ARHGEF12: variants seen among roughly 807,000 people sequenced by gnomAD.
ARHGEF12 encodes the protein KMT2A/ARHGEF12 fusion protein.
A neutral mutation model predicts 211.2 loss-of-function variants in ARHGEF12; 66 were observed. The observed-to-expected ratio is 0.31, with a 90% CI of 0.26 to 0.38. The LOEUF is 0.38. ARHGEF12 is among the 10% of genes least tolerant of loss of function. The probability of loss-of-function intolerance (pLI) is 1.00; values close to 1 mark genes in which losing one functional copy is unlikely to be tolerated. For synonymous variants in ARHGEF12, 592 were observed against 638.4 expected (o/e 0.93, Z 1.09); for missense variants, 1,429 against 1,869.5 (o/e 0.76, Z 4.34).
At position 120,429,771 on chromosome 11, in the gene ARHGEF12, G is replaced by A. The variant is rs780199701; in HGVS notation, c.723G>A (p.Glu241=). ...AAAGATTGCTAAAAGAGATCCAAGA[G>A]GCCAAGAAACACATTCCTCAGCTGC... ...PAQRLLKEIQ[E]AKKHIPQLQE... is the part of the protein sequence containing the mutation. Residue 241 remains glutamate (E), a synonymous_variant, in exon 10 of 41, where the codon GAG becomes GAA. Transcript: ENST00000397843. 2.5e-6 allele frequency: 4 copies of A among 1,613,830 alleles called. No individual in the cohort carries two copies. Among genetic ancestry groups the A allele is most frequent in the Non-Finnish European group, 3.4e-6 (4 of 1,179,838 alleles).
intron 7 of ARHGEF12, among the ~76,000 whole-genome samples, chr11:120,424,807 A>G (rs866494761): frequency 1.2e-4 from 18 of 152,248 alleles, no homozygotes; most frequent in African/African-American, 3.6e-4. Flanking sequence ...AAAGAAATGC[A>G]TGAGTCACCT....
intron 1 of ARHGEF12, among the ~76,000 whole-genome samples, chr11:120,338,662 C>A (rs370495927): frequency 1.3e-5 from 2 of 152,080 alleles, no homozygotes; most frequent in African/African-American, 4.8e-5. Context: ...TCTGAGAAAT[C>A]ACTTTTACGG....
intron 39 of ARHGEF12, among the ~76,000 whole-genome samples, chr11:120,481,864 A>G (rs1947250781): frequency 6.7e-6 from 1 of 148,732 alleles, no homozygotes; most frequent in Non-Finnish European, 1.5e-5. Flanking sequence ...GGTTCACACC[A>G]TTCTCCTGCC....
At position 120,487,958 on chromosome 11, in the gene ARHGEF12, T is replaced by C. The variant is rs1037575472; in HGVS notation, c.*2881T>C. On this transcript the variant is annotated 3_prime_UTR_variant, in exon 41 of 41. Transcript: ENST00000397843. Reference sequence around the variant, plus strand: ...ATTACATTGGCTTTTAGAACCGAAATTGTAACTATGTATTGTATTTCATGG... The same window carrying C: ...ATTACATTGGCTTTTAGAACCGAAACTGTAACTATGTATTGTATTTCATGG... 4.5e-5 allele frequency: 10 copies of C among 220,698 alleles called. No individual in the cohort carries two copies. Among genetic ancestry groups the C allele is most frequent in the Non-Finnish European group, 8.2e-5 (9 of 110,256 alleles). 13.7% of individuals were successfully genotyped at this position (220,698 alleles called of 1,614,324 possible).
At chr11:120,385,731 C>T (rs1944010683) in intron 1 of ARHGEF12, among the ~76,000 whole-genome samples, 1 of 152,130 alleles carries the variant, frequency 6.6e-6, no homozygotes, top group Non-Finnish European at 1.5e-5. Context: ...AATTGCTTAG[C>T]TTTAGAACAA....
chr11:120,475,853 T>A (rs1947013495), intron 33 of ARHGEF12: 1 of 172,898 alleles, frequency 5.8e-6, no homozygotes, highest in Non-Finnish European at 1.2e-5. Context: ...GAGACGGATG[T>A]AGTGTTGATT....
At chr11:120,449,423 G>C (rs918920218) in intron 21 of ARHGEF12, 2 of 489,438 alleles carry the variant, frequency 4.1e-6, no homozygotes, top group Admixed American at 3.6e-5. Context: ...TTCGTGGGCT[G>C]GGCGTGGTGA....
chr11:120,410,452 A>G (rs1446879182), intron 4 of ARHGEF12: 2 of 152,122 alleles, frequency 1.3e-5, no homozygotes, highest in Non-Finnish European at 2.9e-5. Flanking sequence ...GTCATCTTTA[A>G]TAGAGCCACA....
chr11:120,386,356 C>G, intron 1 of ARHGEF12, among the ~76,000 whole-genome samples: 1 of 152,072 alleles, frequency 6.6e-6, no homozygotes, highest in East Asian at 1.9e-4. Context: ...AGCTAGGACC[C>G]TAATTTATGA....
At chr11:120,435,614 G>T (rs187939496) in intron 11 of ARHGEF12, among the ~76,000 whole-genome samples, 17 of 148,952 alleles carry the variant, frequency 1.1e-4, no homozygotes, top group Non-Finnish European at 2.2e-4. Flanking sequence ...TCCCGGGTTC[G>T]TGCCATTCTC....
intron 13 of ARHGEF12, among the ~76,000 whole-genome samples, chr11:120,440,837 T>C (rs1048280873): frequency 1.4e-4 from 21 of 152,184 alleles, no homozygotes; most frequent in Non-Finnish European, 2.6e-4. Flanking sequence ...AAGTATTTTT[T>C]AGAGGCTCTT....
intron 20 of ARHGEF12, 79 bp from the exon 21 acceptor site, chr11:120,449,030 C>A: frequency 1.7e-6 from 2 of 1,163,226 alleles, no homozygotes; most frequent in South Asian, 1.4e-5. Context: ...TTTGAACTAA[C>A]CATTAGCATT....
At chr11:120,396,404 T>G (rs1301583826) in intron 1 of ARHGEF12, among the ~76,000 whole-genome samples, 1 of 151,932 alleles carries the variant, frequency 6.6e-6, no homozygotes, top group Non-Finnish European at 1.5e-5. Flanking sequence ...AAGGGAAAAA[T>G]AATAACTTTA....
intron 8 of ARHGEF12, 98 bp downstream of exon 8, chr11:120,428,345 A>G (rs1168482919): frequency 9.6e-7 from 1 of 1,041,158 alleles, no homozygotes; most frequent in Non-Finnish European, 1.3e-6. Context: ...TGAACTAATT[A>G]AATTTAAGAT....
intron 1 of ARHGEF12, among the ~76,000 whole-genome samples, chr11:120,397,709 A>G (rs1358058924): frequency 1.3e-5 from 2 of 152,234 alleles, no homozygotes; most frequent in Admixed American, 1.3e-4. Flanking sequence ...AGCCCCATCT[A>G]CACACTCCCG....
intron 1 of ARHGEF12, among the ~76,000 whole-genome samples, chr11:120,392,967 G>A (rs982384478): frequency 1.3e-5 from 2 of 152,184 alleles, no homozygotes; most frequent in Admixed American, 6.5e-5. Context: ...GAGTCATCTG[G>A]ACTCTGAGAG....
intron 13 of ARHGEF12, 83 bp from the exon 14 acceptor site, chr11:120,441,624 G>C: frequency 9.6e-7 from 1 of 1,037,378 alleles, no homozygotes; most frequent in Non-Finnish European, 1.4e-6. Context: ...AGTGAAATTT[G>C]GATAGCTATG....
At chr11:120,484,112 G>C in intron 39 of ARHGEF12, among the ~76,000 whole-genome samples, 1 of 152,336 alleles carries the variant, frequency 6.6e-6, no homozygotes, top group East Asian at 1.9e-4. Context: ...TTTATGTGCT[G>C]CATGACTATA....
rs1478545104 is a variant in ARHGEF12, at chr11:120,448,294, G to A, written c.1683G>A (p.Glu561=). The A allele has an allele frequency of 6.2e-7, 1 of 1,614,130 alleles. No homozygotes were observed. The highest frequency in any genetic ancestry group is 1.1e-5 in the South Asian group (1 of 91,084). The change falls in exon 20 of 41, where the codon GAG becomes GAA. Residue 561 remains glutamate (E), a synonymous_variant. Transcript: ENST00000397843. ...AGCATTTGGGAGTAAAAGTGAAAGA[G>A]CCTCGAAATTTGGAGCACAAACGGG... The part of the protein sequence containing the change: ...YMKHLGVKVK[E]PRNLEHKRGR...
Sources: allele counts gnomAD v4.1 joint callset (sites outside exome capture counted in the v4.1 genomes callset), GRCh38; gene constraint gnomAD v4.1.1; transcripts MANE v1.5; gene names NCBI Gene and HGNC (gene_info 2026-07-23, HGNC 2026-07-21).